Variants in ARHGEF40 observed in about 807,000 individuals in gnomAD.
ARHGEF40 encodes the protein Rho guanine nucleotide exchange factor (GEF) 40.
In ARHGEF40, 98 loss-of-function variants were observed where a neutral mutation model predicts 165.9. The ratio of observed to expected loss-of-function variants is 0.59; its 90% confidence interval spans 0.50 to 0.70. The LOEUF (loss-of-function observed/expected upper bound fraction) is 0.70. ARHGEF40 is among the 30% of genes least tolerant of loss of function. The pLI, the probability that ARHGEF40 is intolerant of heterozygous loss-of-function variation, is 0.00. For synonymous variants in ARHGEF40, 792 were observed against 814.3 expected (o/e 0.97, Z 0.47); for missense variants, 1,815 against 1,968.0 (o/e 0.92, Z 1.47).
chr14:21,085,381 C>T (rs1472998310), intron 18 of ARHGEF40, among the ~76,000 whole-genome samples: 1 of 152,302 alleles, frequency 6.6e-6, no homozygotes, highest in Admixed American at 6.5e-5. Context: ...GGTTTCTAGA[C>T]TTTGTACCCC....
chr14:21,082,306 G>A lies in ARHGEF40; in HGVS notation c.3314G>A (p.Ser1105Asn), dbSNP rs1887990832. Residue 1105 changes from serine to asparagine, a missense_variant, in exon 15 of 24, where the codon AGT becomes AAT. Coordinates refer to ENST00000298694, the MANE Select transcript of ARHGEF40 (RefSeq NM_018071.5). ...ACEQDYVATL[S>N]EPVPPPGPEL... Reference sequence around the variant, plus strand: ...GAACAAGATTACGTGGCCACCTTGAGTGAGCCAGTGCCACCCCCTGGGCCT... The same window carrying A: ...GAACAAGATTACGTGGCCACCTTGAATGAGCCAGTGCCACCCCCTGGGCCT... 1.2e-6 allele frequency: 2 copies of A among 1,613,084 alleles called. No homozygotes were observed. Among genetic ancestry groups the A allele is most frequent in the Admixed American group, 3.3e-5 (2 of 59,968 alleles).
chr14:21,081,375 C>T (rs771938699), intron 13 of ARHGEF40, 134 bp from the exon 14 acceptor site: 3 of 1,273,640 alleles, frequency 2.4e-6, no homozygotes, highest in Non-Finnish European at 2.2e-6. Flanking sequence ...GATGGTGGAA[C>T]AGTGAGAAAA....
At chr14:21,084,625 C>A in intron 17 of ARHGEF40, 128 bp from the exon 18 acceptor site, 1 of 1,034,144 alleles carries the variant, frequency 9.7e-7, no homozygotes, top group Non-Finnish European at 1.4e-6. Flanking sequence ...CTGAGGGCTT[C>A]CCTGACTTCC....
intron 22 of ARHGEF40, among the ~76,000 whole-genome samples, chr14:21,088,527 A>T (rs561327570): frequency 6.6e-6 from 1 of 151,094 alleles, no homozygotes; most frequent in East Asian, 2.0e-4. Context: ...AAAAAAAAAA[A>T]ATTAAATTAG....
chr14:21,077,245 C>T (rs528186586), intron 8 of ARHGEF40, among the ~76,000 whole-genome samples: 1 of 151,334 alleles, frequency 6.6e-6, no homozygotes, highest in Non-Finnish European at 1.5e-5. Flanking sequence ...GCTGTGGCTA[C>T]AGGCATGTGC....
intron 8 of ARHGEF40, among the ~76,000 whole-genome samples, chr14:21,077,822 T>G (rs1181029042): frequency 6.6e-6 from 1 of 152,132 alleles, no homozygotes; most frequent in East Asian, 1.9e-4. Flanking sequence ...AAGGGGAAAT[T>G]GACATGAATA....
At position 21,075,630 on chromosome 14, in the gene ARHGEF40, AT is replaced by A; in HGVS notation, c.1619-11del. On this transcript the variant is annotated splice_polypyrimidine_tract_variant and intron_variant, in intron 4 of 23. Coordinates refer to ENST00000298694, the MANE Select transcript of ARHGEF40 (RefSeq NM_018071.5). The surrounding 1 kb of genome is among the most constrained non-coding windows in gnomAD (Gnocchi z 4.5). Reference sequence around the variant, plus strand: ...TGCTCCCAGCCAGGACAGCCTGGCCATTTTGTGTCTTCAGGAGGGGTGGACC... The same window carrying A: ...TGCTCCCAGCCAGGACAGCCTGGCCATTTGTGTCTTCAGGAGGGGTGGACC... 6.2e-7 allele frequency: 1 copy of A among 1,614,036 alleles called. No individual in the cohort carries two copies. The highest frequency in any genetic ancestry group is 8.5e-7 in the Non-Finnish European group (1 of 1,180,016).
At chr14:21,076,675 A>G (rs748604612) in intron 7 of ARHGEF40, 32 bp downstream of exon 7, 1 of 1,574,076 alleles carries the variant, frequency 6.4e-7, no homozygotes, top group East Asian at 2.3e-5. Flanking sequence ...CTAGTTTCCC[A>G]TCAGTAGTGG....
In ARHGEF40 at chr14:21,081,066, C is replaced by A. The variant is rs752279272; in HGVS notation, c.2640+50C>A. The A allele has an allele frequency of 2.5e-6, 4 of 1,573,808 alleles. No individual in the cohort carries two copies. In the African/African-American group the frequency reaches 5.4e-5, roughly 21 times the overall value. ...GTGCCCCCCCATTTCCATTTATTCA[C>A]TTCCTTTCTGCCTGGAGAGGCTAAT... On this transcript the variant is annotated intron_variant, in intron 13 of 23. Transcript: ENST00000298694.
upstream of ARHGEF40, among the ~76,000 whole-genome samples, chr14:21,068,557 G>GT (rs1594533153): frequency 6.6e-6 from 1 of 152,022 alleles, no homozygotes; most frequent in African/African-American, 2.4e-5. Context: ...GGTGAATAAG[G>GT]TTTTTTAAAC....
chr14:21,087,939 C>T (rs1888489125), intron 21 of ARHGEF40, 29 bp from the exon 22 acceptor site: 1 of 1,613,124 alleles, frequency 6.2e-7, no homozygotes, highest in Admixed American at 1.7e-5. Context: ...GGATTCTGTA[C>T]TCTGCTCTCA....
chr14:21,085,781 T>G lies in ARHGEF40; in HGVS notation c.4053T>G (p.Thr1351=). 6 of 1,614,158 alleles carry G rather than the reference T, an allele frequency of 3.7e-6. No homozygotes were observed. The highest frequency in any genetic ancestry group is 5.1e-6 in the Non-Finnish European group (6 of 1,180,038). The change falls in exon 19 of 24, where the codon ACT becomes ACG. Residue 1351 remains threonine (T), a synonymous_variant. Coordinates refer to ENST00000298694, the MANE Select transcript of ARHGEF40 (RefSeq NM_018071.5). ...FRRRRAREAY[T]LQATSPEIKL... ...GGCGGCGTGCACGAGAGGCATACAC[T>G]CTGCAGGCAACCTCACCAGAGATCA...
chr14:21,080,994 G>T lies in ARHGEF40; in HGVS notation c.2618G>T (p.Arg873Leu). The T allele has an allele frequency of 6.2e-7, 1 of 1,613,860 alleles. No individual in the cohort carries two copies. Among genetic ancestry groups the T allele is most frequent in the Non-Finnish European group, 8.5e-7 (1 of 1,179,874 alleles). The change falls in exon 13 of 24, where the codon CGG becomes CTG. Residue 873 changes from arginine (R) to leucine (L), a missense_variant. Coordinates refer to ENST00000298694, the MANE Select transcript of ARHGEF40 (RefSeq NM_018071.5). ...QVESGLHRALRLQRFFQQAHE... is the reference protein window; with the variant it reads ...QVESGLHRALLLQRFFQQAHE... Reference sequence around the variant, plus strand: ...GAGAGTGGCCTCCATCGGGCCCTGCGGCTACAGCGCTTCTTCCAGCAGGTG... The same window carrying T: ...GAGAGTGGCCTCCATCGGGCCCTGCTGCTACAGCGCTTCTTCCAGCAGGTG...
intron 22 of ARHGEF40, 84 bp downstream of exon 22, chr14:21,088,182 G>C (rs1888519335): frequency 1.3e-6 from 2 of 1,483,972 alleles, no homozygotes; most frequent in Middle Eastern, 2.2e-4. Context: ...CAACCCCAGG[G>C]GGGTTGGGGG....
In ARHGEF40 at chr14:21,074,411, T is replaced by G. The variant is rs1459806561; in HGVS notation, c.681T>G (p.Pro227=). The change falls in exon 3 of 24, where the codon CCT becomes CCG. Residue 227 remains proline, a synonymous_variant. Transcript: ENST00000298694. The surrounding 1 kb of genome is among the most constrained non-coding windows in gnomAD (Gnocchi z 4.8). ...LPEEALGTRS[P]GDGHNAPVEG... is the part of the protein sequence containing the mutation. Reference sequence around the variant, plus strand: ...AGGAGGCGCTGGGTACCCGGAGTCCTGGGGATGGGCACAATGCCCCTGTGG... The same window carrying G: ...AGGAGGCGCTGGGTACCCGGAGTCCGGGGGATGGGCACAATGCCCCTGTGG... 3 of 1,611,324 alleles carry G rather than the reference T, an allele frequency of 1.9e-6. No homozygotes were observed. The Admixed American group carries it at 5.0e-5, about 27-fold the overall frequency.
Position 21,081,111 on chromosome 14 carries a change from G to A in ARHGEF40, c.2640+95G>A, listed in dbSNP as rs1381902464. 4 of 1,514,976 alleles carry A rather than the reference G, an allele frequency of 2.6e-6. No homozygotes were observed. In the Admixed American group the frequency reaches 8.6e-5, roughly 32 times the overall value. 93.8% of individuals were successfully genotyped at this position (1,514,976 alleles called of 1,614,324 possible). Reference sequence around the variant, plus strand: ...GCTAATCAAGTTGTTAAAAGTGGAGGCTGAGGGGCCCATCTCCTAGGTTTT... The same window carrying A: ...GCTAATCAAGTTGTTAAAAGTGGAGACTGAGGGGCCCATCTCCTAGGTTTT... On this transcript the variant is annotated intron_variant, in intron 13 of 23. Transcript: ENST00000298694.
chr14:21,076,665 C>G, intron 7 of ARHGEF40, 22 bp downstream of exon 7: 8 of 1,602,356 alleles, frequency 5.0e-6, no homozygotes, highest in Non-Finnish European at 6.8e-6. Flanking sequence ...TCATTCCCAT[C>G]TAGTTTCCCA....
chr14:21,081,901 A>C lies in ARHGEF40; in HGVS notation c.3033A>C (p.Pro1011=). The C allele has an allele frequency of 6.2e-7, 1 of 1,613,296 alleles. No homozygotes were observed. Among genetic ancestry groups the C allele is most frequent in the Non-Finnish European group, 8.5e-7 (1 of 1,179,840 alleles). The change falls in exon 14 of 24, where the codon CCA becomes CCC. Residue 1011 remains proline (P), a synonymous_variant. Transcript: ENST00000298694. ...CCCCATCCCATTGCTCCCTGGCCCC[A>C]TGTGGAGAGGACTATGAGGAAGAGG... ...RPAPSHCSLA[P]CGEDYEEEGP... is the part of the protein sequence containing the mutation.
rs1887827856 is a variant in ARHGEF40 at position 21,080,767 on chromosome 14, C to T, written c.2481C>T (p.Phe827=). The change falls in exon 12 of 24, where the codon TTC becomes TTT. Residue 827 remains phenylalanine, a synonymous_variant. Transcript: ENST00000298694. ...AGACAGAGCTGCGATTCCGTGCTTT[C>T]AGCGCTGAGGTCCAGGTGAGAAGGG... ...LQETELRFRA[F]SAEVQERLAQ... is the part of the protein sequence containing the mutation. 2.5e-6 allele frequency: 4 copies of T among 1,607,766 alleles called. No individual in the cohort carries two copies. Among genetic ancestry groups the T allele is most frequent in the Non-Finnish European group, 3.4e-6 (4 of 1,176,296 alleles).
Sources: gnomAD v4.1 joint callset for allele counts (sites outside exome capture counted in the v4.1 genomes callset) on GRCh38, gnomAD v4.1.1 for gene constraint, Gnocchi (gnomAD v3.1) non-coding constraint, MANE v1.5 for transcripts, NCBI Gene and HGNC (gene_info 2026-07-23, HGNC 2026-07-21) for gene names.